The following ATRNL1 variants were observed in gnomAD, a reference collection of about 807,000 sequenced individuals.
The protein encoded by ATRNL1 is attractin like 1, also known as attractin-like protein 1.
A neutral mutation model predicts 182.7 loss-of-function variants in ATRNL1; 95 were observed. That is an observed-to-expected ratio of 0.52 (90% CI 0.44 to 0.62). The LOEUF is 0.62. ATRNL1 is among the 20% of genes least tolerant of loss of function. The pLI is 0.00. For missense variants in ATRNL1, 1,471 were observed against 1,679.5 expected (o/e 0.88, Z 2.17); for synonymous variants, 576 against 568.3 (o/e 1.01, Z -0.19).
At chr10:115,284,822 A>C (rs533298282) in intron 14 of ATRNL1, among the ~76,000 whole-genome samples, 2 of 152,310 alleles carry the variant, frequency 1.3e-5, no homozygotes, top group East Asian at 3.9e-4. Context: ...TAAAACAATA[A>C]AAATAAAATA....
intron 28 of ATRNL1, among the ~76,000 whole-genome samples, chr10:115,940,272 G>C (rs1182172410): frequency 6.6e-6 from 1 of 152,170 alleles, no homozygotes; most frequent in South Asian, 2.1e-4. Context: ...TGGAAGTGAG[G>C]ACATAAATTA....
intron 8 of ATRNL1, among the ~76,000 whole-genome samples, chr10:115,212,765 C>T (rs542611778): frequency 3.3e-5 from 5 of 152,010 alleles, no homozygotes; most frequent in Non-Finnish European, 5.9e-5. Context: ...CCAAATACTG[C>T]GTGTTCTCAC....
intron 10 of ATRNL1, among the ~76,000 whole-genome samples, chr10:115,254,853 T>C (rs1406239782): frequency 6.6e-6 from 1 of 152,328 alleles, no homozygotes; most frequent in Non-Finnish European, 1.5e-5. Flanking sequence ...TTTCTACATA[T>C]GGCTAGCCAG....
intron 26 of ATRNL1, among the ~76,000 whole-genome samples, chr10:115,664,202 A>G (rs143265102): frequency 5.5e-3 from 843 of 152,148 alleles, no homozygotes; most frequent in Non-Finnish European, 9.5e-3. Flanking sequence ...CCCTATACCA[A>G]TCTGTAGGAA....
intron 27 of ATRNL1, among the ~76,000 whole-genome samples, chr10:115,763,229 T>C (rs1297162031): frequency 2.0e-5 from 3 of 152,144 alleles, no homozygotes; most frequent in Admixed American, 2.0e-4. Flanking sequence ...TGAACAACTC[T>C]TTTAGACCAA....
chr10:115,880,068 A>G (rs936506851), intron 28 of ATRNL1, among the ~76,000 whole-genome samples: 5 of 152,246 alleles, frequency 3.3e-5, no homozygotes, highest in Non-Finnish European at 5.9e-5. Flanking sequence ...AAAGCAGCTT[A>G]TATTGCTGGA....
intron 25 of ATRNL1, among the ~76,000 whole-genome samples, chr10:115,527,130 T>TCC (rs35207261): frequency 8.5e-6 from 1 of 118,212 alleles, no homozygotes; most frequent in African/African-American, 3.5e-5. Context: ...TTTTTTTTTT[T>TCC]CCCCCCCGAG....
chr10:115,618,526 T>C (rs1857555479), intron 26 of ATRNL1, among the ~76,000 whole-genome samples: 1 of 152,090 alleles, frequency 6.6e-6, no homozygotes, highest in Admixed American at 6.5e-5. Context: ...TTTTTTTCCT[T>C]TTCCTTTTTC....
At chr10:115,939,542 C>T (rs1429830909) in intron 28 of ATRNL1, among the ~76,000 whole-genome samples, 1 of 152,168 alleles carries the variant, frequency 6.6e-6, no homozygotes, top group Non-Finnish European at 1.5e-5. Flanking sequence ...ATCCTGCTAG[C>T]CTGCAGCATC....
At chr10:115,618,993 T>A (rs1857578854) in intron 26 of ATRNL1, among the ~76,000 whole-genome samples, 1 of 152,220 alleles carries the variant, frequency 6.6e-6, no homozygotes, top group Non-Finnish European at 1.5e-5. Flanking sequence ...TTCCTTTAGA[T>A]GTATTTATAG....
At chr10:115,264,083 C>CT (rs58308405) in intron 10 of ATRNL1, among the ~76,000 whole-genome samples, 2,388 of 147,584 alleles carry the variant, frequency 0.016, 51 homozygotes, top group African/African-American at 0.051. Flanking sequence ...GCATCATTCT[C>CT]TTTTTTTTTT....
At chr10:115,525,856 T>C (rs1279634488) in intron 25 of ATRNL1, among the ~76,000 whole-genome samples, 2 of 152,198 alleles carry the variant, frequency 1.3e-5, no homozygotes, top group Non-Finnish European at 2.9e-5. Context: ...TTGCCCTTTA[T>C]CAAATATTTA....
intron 8 of ATRNL1, among the ~76,000 whole-genome samples, chr10:115,199,289 C>T (rs557242624): frequency 2.6e-4 from 40 of 151,772 alleles, no homozygotes; most frequent in South Asian, 6.2e-4. Flanking sequence ...GAAAATGTTT[C>T]GGCTGGGTGC....
rs373734198 is a variant in ATRNL1, at chr10:115,914,729, T to G, written c.4019-29929T>G. Among the ~76,000 whole-genome samples the G allele has an allele frequency of 2.8e-4, 43 of 152,304 alleles. 1 individual carries two copies. The highest frequency in any genetic ancestry group is 1.0e-3 in the African/African-American group (42 of 41,564). On this transcript the variant is annotated intron_variant, in intron 28 of 28. Coordinates refer to ENST00000355044, the MANE Select transcript of ATRNL1 (RefSeq NM_207303.4). ...AGACCTTTCCATTTTATGTTTCTTT[T>G]CCCGATTGTTCAACTGTTAGGAAGT...
At chr10:115,360,739 G>A (rs1465912540) in intron 19 of ATRNL1, among the ~76,000 whole-genome samples, 8 of 151,520 alleles carry the variant, frequency 5.3e-5, no homozygotes, top group Non-Finnish European at 5.9e-5. Context: ...AGGTAAACGT[G>A]TGCCATGGTG....
intron 28 of ATRNL1, among the ~76,000 whole-genome samples, chr10:115,885,932 G>A (rs1438172619): frequency 1.3e-5 from 2 of 152,122 alleles, no homozygotes; most frequent in African/African-American, 4.8e-5. Flanking sequence ...TAAATGTTGT[G>A]TTTTCATGAA....
intron 28 of ATRNL1, among the ~76,000 whole-genome samples, chr10:115,857,171 TATATAAC>T (rs1951208957): frequency 6.6e-6 from 1 of 152,202 alleles, no homozygotes; most frequent in African/African-American, 2.4e-5. Context: ...AATAATACAA[TATATAAC>T]ATATACAACA....
chr10:115,548,429 T>C (rs1852790544), intron 25 of ATRNL1, among the ~76,000 whole-genome samples: 1 of 152,180 alleles, frequency 6.6e-6, no homozygotes, highest in African/African-American at 2.4e-5. Context: ...GTGACTTAAG[T>C]GATGAACACA....
At chr10:115,256,200 T>A (rs1309579591) in intron 10 of ATRNL1, among the ~76,000 whole-genome samples, 7 of 152,220 alleles carry the variant, frequency 4.6e-5, no homozygotes, top group African/African-American at 1.7e-4. Context: ...TGGGATAGTT[T>A]CAGAAGGAAT....
Sources: allele counts gnomAD v4.1 joint callset (sites outside exome capture counted in the v4.1 genomes callset), GRCh38; gene constraint gnomAD v4.1.1; transcripts MANE v1.5; gene names NCBI Gene and HGNC (gene_info 2026-07-23, HGNC 2026-07-21).